Variants in NRIP1 observed in about 807,000 individuals in gnomAD.
NRIP1 encodes the protein nuclear receptor-interacting protein 1.
A neutral mutation model predicts 75.0 loss-of-function variants in NRIP1; 28 were observed. The observed-to-expected ratio is 0.37, with a 90% CI of 0.28 to 0.51. The LOEUF (loss-of-function observed/expected upper bound fraction) is 0.51, where lower values mean the gene tolerates loss of function less well. Ranked by LOEUF, NRIP1 falls within the 20% of genes least tolerant of loss-of-function variation. The pLI is 0.92. For synonymous variants in NRIP1, 526 were observed against 487.6 expected, an observed-to-expected ratio of 1.08 and a Z score of -1.04; for missense variants, 1,435 against 1,343.7, an observed-to-expected ratio of 1.07 and a Z score of -1.06.
At chr21:15,020,950 T>C (rs1207479337) in intron 2 of NRIP1, among the ~76,000 whole-genome samples, 1 of 151,940 alleles carries the variant, frequency 6.6e-6, no homozygotes, top group South Asian at 2.1e-4. Flanking sequence ...CCTCCATTGC[T>C]GGTGAGAATG....
intron 1 of NRIP1, among the ~76,000 whole-genome samples, chr21:15,049,234 A>C (rs1445552940): frequency 6.6e-6 from 1 of 152,154 alleles, no homozygotes; most frequent in Non-Finnish European, 1.5e-5. Context: ...AAGTATGTTA[A>C]GAGTTCTTGC....
At chr21:15,035,346 TAA>T (rs1399947921) in intron 2 of NRIP1, among the ~76,000 whole-genome samples, 2 of 152,198 alleles carry the variant, frequency 1.3e-5, no homozygotes, top group African/African-American at 2.4e-5. Context: ...ATTCATGTGA[TAA>T]GTTTATCAGA....
intron 2 of NRIP1, among the ~76,000 whole-genome samples, chr21:15,025,315 A>C (rs934606912): frequency 6.6e-6 from 1 of 152,116 alleles, no homozygotes; most frequent in Non-Finnish European, 1.5e-5. Context: ...AAGGAAATAT[A>C]ATTGAAGCCT....
At chr21:14,983,443 T>C (rs774855015) in intron 3 of NRIP1, among the ~76,000 whole-genome samples, 1 of 152,098 alleles carries the variant, frequency 6.6e-6, no homozygotes, top group Non-Finnish European at 1.5e-5. Context: ...CAGAGGTGGC[T>C]CATACGATTT....
At chr21:15,012,397 G>GT (rs2147165292) in intron 3 of NRIP1, among the ~76,000 whole-genome samples, 1 of 117,362 alleles carries the variant, frequency 8.5e-6, no homozygotes, top group East Asian at 3.0e-4. Flanking sequence ...TCAGTAATTT[G>GT]TTTTTATAAA....
In NRIP1 at chr21:14,964,626, C is replaced by T. The variant is rs1169793390; in HGVS notation, c.*90G>A. The T allele has an allele frequency of 2.9e-6, 3 of 1,045,540 alleles. No individual in the cohort carries two copies. Among genetic ancestry groups the T allele is most frequent in the East Asian group, 5.1e-5 (2 of 39,318 alleles). 64.8% of individuals were successfully genotyped at this position (1,045,540 alleles called of 1,614,324 possible). A position where few individuals can be genotyped will look rare whatever the true frequency, so the allele number is the denominator to read the frequency against. On this transcript the variant is annotated 3_prime_UTR_variant, in exon 4 of 4. Coordinates refer to ENST00000318948, the MANE Select transcript of NRIP1 (RefSeq NM_003489.4). Reference sequence around the variant, plus strand: ...TGAAAAAAGTTTCAATTATACCATGCTTTTTTTCAAATCATGCTCTTATTT... The same window carrying T: ...TGAAAAAAGTTTCAATTATACCATGTTTTTTTTCAAATCATGCTCTTATTT...
At chr21:15,019,470 CTTTTTTTTTTTTTTTTTTTTT>C (rs539278321) in intron 2 of NRIP1, among the ~76,000 whole-genome samples, 8 of 38,674 alleles carry the variant, frequency 2.1e-4, no homozygotes, top group Non-Finnish European at 3.9e-4. Context: ...AACTGCATTT[CTTTTTTTTTTTTTTTTTTTTT>C]TTTTTTTTTT....
chr21:15,047,038 C>G (rs2089094812), intron 1 of NRIP1, among the ~76,000 whole-genome samples: 1 of 152,120 alleles, frequency 6.6e-6, no homozygotes, highest in Non-Finnish European at 1.5e-5. Flanking sequence ...ATAAGGCTGT[C>G]TATTAGTCCG....
rs78381397 is a variant in NRIP1 at position 15,021,285 on chromosome 21, G to A, written c.-457-6819C>T. Among the ~76,000 whole-genome samples the A allele has an allele frequency of 0.015, 2,300 of 152,236 alleles. 206 individuals carry two copies. In the East Asian group the frequency reaches 0.26, roughly 17 times the overall value. On this transcript the variant is annotated intron_variant, in intron 2 of 3. Coordinates refer to ENST00000318948, the MANE Select transcript of NRIP1 (RefSeq NM_003489.4). ...ATGCTTAGTGAAAGAAGCTAAATACGAAAGATATCTATATTGTATGATTCC... is the reference window on the plus strand; with the variant it reads ...ATGCTTAGTGAAAGAAGCTAAATACAAAAGATATCTATATTGTATGATTCC...
At chr21:15,041,544 A>G (rs1277376467) in intron 2 of NRIP1, among the ~76,000 whole-genome samples, 1 of 152,186 alleles carries the variant, frequency 6.6e-6, no homozygotes, top group African/African-American at 2.4e-5. Flanking sequence ...CAAAATAATT[A>G]CTTAAAACTA....
chr21:15,061,944 T>C (rs1600946943), intron 1 of NRIP1, among the ~76,000 whole-genome samples: 2 of 152,252 alleles, frequency 1.3e-5, no homozygotes, highest in East Asian at 3.8e-4. Flanking sequence ...TAGATTGGCA[T>C]ATTTTGCCTC....
chr21:15,017,003 A>C lies in NRIP1; in HGVS notation c.-457-2537T>G, dbSNP rs532710350. 6.4e-4 allele frequency among the ~76,000 whole-genome samples: 97 copies of C among 151,910 alleles called. 1 individual carries two copies. The Middle Eastern group carries it at 0.01, about 16-fold the overall frequency. On this transcript the variant is annotated intron_variant, in intron 2 of 3. Transcript: ENST00000318948. Reference sequence around the variant, plus strand: ...GAAAGAAAGAAAAGAAAGAAAAAGAAAAGAATGAAGGAAGGAAGGAAGGAA... The same window carrying C: ...GAAAGAAAGAAAAGAAAGAAAAAGACAAGAATGAAGGAAGGAAGGAAGGAA...
At chr21:15,052,556 G>A (rs1309093491) in intron 1 of NRIP1, among the ~76,000 whole-genome samples, 1 of 151,962 alleles carries the variant, frequency 6.6e-6, no homozygotes. Context: ...GTTTTCCCCC[G>A]CGATACTTCA....
At chr21:14,976,557 G>A (rs189556406) in intron 3 of NRIP1, among the ~76,000 whole-genome samples, 1 of 152,142 alleles carries the variant, frequency 6.6e-6, no homozygotes, top group Non-Finnish European at 1.5e-5. Context: ...TCACAAATGG[G>A]TGCTATATTG....
intron 1 of NRIP1, among the ~76,000 whole-genome samples, chr21:15,064,222 G>A (rs1490860748): frequency 6.6e-6 from 1 of 152,256 alleles, no homozygotes; most frequent in Non-Finnish European, 1.5e-5. Flanking sequence ...AGTGCGGGCA[G>A]AGCGGCCCGG....
intron 3 of NRIP1, among the ~76,000 whole-genome samples, chr21:15,013,432 C>T (rs2088156974): frequency 6.6e-6 from 1 of 152,148 alleles, no homozygotes; most frequent in African/African-American, 2.4e-5. Flanking sequence ...CTTTTTGAAA[C>T]ACTGTGGTCA....
chr21:15,051,739 C>T (rs2089205397), intron 1 of NRIP1: 1 of 152,246 alleles, frequency 6.6e-6, no homozygotes. Context: ...CAAATCAATC[C>T]ATCAGCTCAT....
Position 14,961,356 on chromosome 21 carries a change from A to C in NRIP1, c.*3360T>G, listed in dbSNP as rs2086586223. Reference sequence around the variant, plus strand: ...CAGTTTCATGACATCACATGAAGAAATTAAATTTCTAATAAAAATGGCAAA... The same window carrying C: ...CAGTTTCATGACATCACATGAAGAACTTAAATTTCTAATAAAAATGGCAAA... On this transcript the variant is annotated 3_prime_UTR_variant, in exon 4 of 4. Transcript: ENST00000318948. The C allele has an allele frequency of 6.6e-6, 1 of 152,474 alleles. No individual in the cohort carries two copies. The highest frequency in any genetic ancestry group is 1.5e-5 in the Non-Finnish European group (1 of 67,902). 9.4% of individuals were successfully genotyped at this position (152,474 alleles called of 1,614,324 possible).
At chr21:14,988,549 G>C (rs2147059051) in intron 3 of NRIP1, among the ~76,000 whole-genome samples, 1 of 150,972 alleles carries the variant, frequency 6.6e-6, no homozygotes, top group East Asian at 1.9e-4. Context: ...AAAAACTAAA[G>C]AAAAAGCATT....
Sources: gnomAD v4.1 joint callset for allele counts (sites outside exome capture counted in the v4.1 genomes callset) on GRCh38, gnomAD v4.1.1 for gene constraint, MANE v1.5 for transcripts, NCBI Gene and HGNC (gene_info 2026-07-23, HGNC 2026-07-21) for gene names.